Variants in LYST observed in about 807,000 individuals in gnomAD.
The protein encoded by LYST is lysosomal trafficking regulator, also known as lysosomal-trafficking regulator.
A neutral mutation model predicts 413.6 loss-of-function variants in LYST; 192 were observed. The observed-to-expected ratio is 0.46, with a 90% CI of 0.41 to 0.52. The LOEUF is 0.52. LYST is among the 20% of genes least tolerant of loss of function. LYST has a pLI of 0.00. For synonymous variants in LYST, 1,525 were observed against 1,567.3 expected, an observed-to-expected ratio of 0.97 and a Z score of 0.64; for missense variants, 3,815 against 4,499.9, an observed-to-expected ratio of 0.85 and a Z score of 4.35.
chr1:235,672,909 C>T (rs1246671308), intron 50 of LYST, among the ~76,000 whole-genome samples: 1 of 152,154 alleles, frequency 6.6e-6, no homozygotes, highest in African/African-American at 2.4e-5. Flanking sequence ...CTGTCTTCCA[C>T]CCTTTACTCA....
chr1:235,801,180 T>C lies in LYST; in HGVS notation c.3713-83A>G. 6 of 921,988 alleles carry C rather than the reference T, an allele frequency of 6.5e-6. No individual in the cohort carries two copies. In the Admixed American group the frequency reaches 1.1e-4, roughly 16 times the overall value. 57.1% of individuals were successfully genotyped at this position (921,988 alleles called of 1,614,324 possible). A position where few individuals can be genotyped will look rare whatever the true frequency, so the allele number is the denominator to read the frequency against. ...TTCATTAATCATTTAGAAGATCTAGTGGCAAAAATAGTAATTCAGAGGATG... is the reference window on the plus strand; with the variant it reads ...TTCATTAATCATTTAGAAGATCTAGCGGCAAAAATAGTAATTCAGAGGATG... On this transcript the variant is annotated intron_variant, in intron 8 of 52. Transcript: ENST00000389793.
chr1:235,758,676 T>C (rs1011045980), intron 23 of LYST, among the ~76,000 whole-genome samples: 5 of 152,194 alleles, frequency 3.3e-5, no homozygotes, highest in Non-Finnish European at 5.9e-5. Flanking sequence ...ATAAATCCTA[T>C]CGTTTCTCTG....
intron 2 of LYST, among the ~76,000 whole-genome samples, chr1:235,830,711 AAGACTTTCTTTC>A (rs1675884857): frequency 6.6e-6 from 1 of 152,184 alleles, no homozygotes; most frequent in Non-Finnish European, 1.5e-5. Flanking sequence ...TTTAAGAGAG[AAGACTTTCTTTC>A]TTAAATACAA....
chr1:235,881,107 C>T (rs1296698152), intron 1 of LYST, among the ~76,000 whole-genome samples: 1 of 152,182 alleles, frequency 6.6e-6, no homozygotes, highest in Admixed American at 6.6e-5. Context: ...GGGTTCCTAA[C>T]TCCAAATTTC....
In LYST at chr1:235,801,108, A is replaced by G; in HGVS notation, c.3713-11T>C. 1 of 1,525,600 alleles carries G rather than the reference A, an allele frequency of 6.6e-7. No homozygotes were observed. The highest frequency in any genetic ancestry group is 9.1e-7 in the Non-Finnish European group (1 of 1,100,604). The allele number at this position is 1,525,600 out of a possible 1,614,324, so 94.5% of individuals were successfully genotyped here. On this transcript the variant is annotated splice_polypyrimidine_tract_variant and intron_variant, in intron 8 of 52. Coordinates refer to ENST00000389793, the MANE Select transcript of LYST (RefSeq NM_000081.4). ...ACTTTAAGTCTACCCCTGAAAAGAG[A>G]AAAGCGAAAGATTACTTGTATTCCC...
intron 47 of LYST, among the ~76,000 whole-genome samples, chr1:235,689,023 T>C (rs183314541): frequency 0.033 from 2,545 of 76,412 alleles, 41 homozygotes; most frequent in African/African-American, 0.061. Context: ...ATAATAATAA[T>C]AATAACAACA....
At chr1:235,835,274 G>A (rs1676447128) in intron 1 of LYST, among the ~76,000 whole-genome samples, 2 of 152,046 alleles carry the variant, frequency 1.3e-5, no homozygotes, top group South Asian at 4.2e-4. Context: ...ATAAAATTAT[G>A]GAAGGGAAAT....
chr1:235,829,190 G>A (rs1027503900), intron 3 of LYST, among the ~76,000 whole-genome samples: 2 of 152,130 alleles, frequency 1.3e-5, no homozygotes, highest in Admixed American at 6.5e-5. Context: ...GCGACAGAGC[G>A]AGACTCTGTG....
chr1:235,803,653 A>C (rs1207366263), intron 7 of LYST, among the ~76,000 whole-genome samples: 2 of 152,172 alleles, frequency 1.3e-5, no homozygotes, highest in Non-Finnish European at 2.9e-5. Flanking sequence ...TCATTTTAGA[A>C]AACATTTTCA....
chr1:235,776,944 G>C lies in LYST; in HGVS notation c.5460+119C>G, dbSNP rs12078638. The C allele has an allele frequency of 0.011, 9,088 of 800,776 alleles. 583 individuals are homozygous for C. The African/African-American group carries it at 0.14, about 12-fold the overall frequency. The allele number at this position is 800,776 out of a possible 1,614,324, so 49.6% of individuals were successfully genotyped here. A position where few individuals can be genotyped will look rare whatever the true frequency, so the allele number is the denominator to read the frequency against. ...ACATTTTAATATGTAATTTTTTTAT[G>C]TTAAAAGTTTAATATAGTCGAGTGT... On this transcript the variant is annotated intron_variant, in intron 17 of 52. Transcript: ENST00000389793.
chr1:235,808,464 A>G lies in LYST; in HGVS notation c.2354T>C (p.Leu785Pro), dbSNP rs770276682. Reference sequence around the variant, plus strand: ...CCACACACATACAAACCTGGATTTAAGCAGGATAGGCAGAGTTTTTACATA... The same window carrying G: ...CCACACACATACAAACCTGGATTTAGGCAGGATAGGCAGAGTTTTTACATA... ...QIYVKTLPIL[L>P]KSRVIRDLFL... The change falls in exon 5 of 53, where the codon CTT becomes CCT. Residue 785 changes from leucine to proline, a missense_variant. Physicochemically the swap from Leu to Pro is moderately conservative, Grantham distance 98. Coordinates refer to ENST00000389793, the MANE Select transcript of LYST (RefSeq NM_000081.4). 3 of 1,613,592 alleles carry G rather than the reference A, an allele frequency of 1.9e-6. No homozygotes were observed. The highest frequency in any genetic ancestry group is 1.3e-5 in the African/African-American group (1 of 74,982).
intron 1 of LYST, among the ~76,000 whole-genome samples, chr1:235,856,496 C>T (rs1679207075): frequency 6.6e-6 from 1 of 152,124 alleles, no homozygotes; most frequent in Non-Finnish European, 1.5e-5. Flanking sequence ...GGGTTGTGAA[C>T]TTTTATGAGA....
Position 235,744,111 on chromosome 1 carries a change from T to C in LYST, c.8019A>G (p.Val2673=). ...IIDILRTPEN[V]TQSKTSVFQT... is the part of the protein sequence containing the mutation. ...GGAAAACTGAGGTCTTGCTTTGAGTTACATTTTCTGGAGTTCTCAAAATGT... is the reference window on the plus strand; with the variant it reads ...GGAAAACTGAGGTCTTGCTTTGAGTCACATTTTCTGGAGTTCTCAAAATGT... The change falls in exon 30 of 53, where the codon GTA becomes GTG. Residue 2673 remains valine (V), a synonymous_variant. Transcript: ENST00000389793. 6.2e-7 allele frequency: 1 copy of C among 1,600,786 alleles called. No individual in the cohort carries two copies. Among genetic ancestry groups the C allele is most frequent in the Non-Finnish European group, 8.6e-7 (1 of 1,168,158 alleles).
intron 23 of LYST, among the ~76,000 whole-genome samples, chr1:235,758,168 C>T (rs544459052): frequency 4.5e-4 from 68 of 152,260 alleles, no homozygotes; most frequent in African/African-American, 1.6e-3. Flanking sequence ...ATTTCAGCTC[C>T]ATATAAAGTT....
intron 39 of LYST, among the ~76,000 whole-genome samples, chr1:235,721,928 C>T (rs1319553330): frequency 6.6e-6 from 1 of 152,090 alleles, no homozygotes; most frequent in Non-Finnish European, 1.5e-5. Flanking sequence ...GATGCTAATA[C>T]ATCCTATAGA....
At chr1:235,844,112 C>A (rs1038443726) in intron 1 of LYST, among the ~76,000 whole-genome samples, 1 of 152,116 alleles carries the variant, frequency 6.6e-6, no homozygotes, top group Admixed American at 6.5e-5. Flanking sequence ...TTTGAAGCAG[C>A]CTTCTTGAAA....
chr1:235,805,909 T>C lies in LYST; in HGVS notation c.3227A>G (p.Glu1076Gly). 1 of 1,613,946 alleles carries C rather than the reference T, an allele frequency of 6.2e-7. No individual in the cohort carries two copies. The highest frequency in any genetic ancestry group is 8.5e-7 in the Non-Finnish European group (1 of 1,179,934). The change falls in exon 6 of 53, where the codon GAA (glutamate) becomes GGA (glycine). Residue 1076 changes from glutamate (E) to glycine (G), a missense_variant. This residue lies in a region of LYST where 1,648 missense variants were observed against 1,810.3 expected (regional missense o/e 0.91). Coordinates refer to ENST00000389793, the MANE Select transcript of LYST (RefSeq NM_000081.4). ...ELQHISSINV[E>G]EVSATEAAPE... The stretch of plus-strand genomic sequence containing the variant: ...AGCGGCTTCAGTAGCTGAAACTTCT[T>C]CCACATTTATGGAAGAAATATGCTG...
At position 235,663,020 on chromosome 1, in the gene LYST, T is replaced by C. The variant is rs1353400854; in HGVS notation, c.11326A>G (p.Ile3776Val). Residue 3776 changes from isoleucine (I) to valine (V), a missense_variant, in exon 53 of 53, where the codon ATT becomes GTT. Ile to Val is a conservative substitution (Grantham distance 29). Transcript: ENST00000389793. Reference sequence around the variant, plus strand: ...TGCTGGTCCTTCCGACACCAGGCAATCACGGTCCCATCACTGTTTGCTGTG... The same window carrying C: ...TGCTGGTCCTTCCGACACCAGGCAACCACGGTCCCATCACTGTTTGCTGTG... The part of the protein sequence containing the change: ...LYTANSDGTV[I>V]AWCRKDQQRL... 1 of 1,613,890 alleles carries C rather than the reference T, an allele frequency of 6.2e-7. No individual in the cohort carries two copies. Among genetic ancestry groups the C allele is most frequent in the Non-Finnish European group, 8.5e-7 (1 of 1,180,008 alleles).
chr1:235,868,630 ATTTG>A (rs1246280720), upstream of LYST, among the ~76,000 whole-genome samples: 1 of 152,168 alleles, frequency 6.6e-6, no homozygotes, highest in Non-Finnish European at 1.5e-5. Context: ...TCAAAGTATT[ATTTG>A]TTTGTAAAAG....
Sources: allele counts gnomAD v4.1 joint callset (sites outside exome capture counted in the v4.1 genomes callset), GRCh38; gene constraint gnomAD v4.1.1; regional missense constraint gnomAD v4.1.1; transcripts MANE v1.5; gene names NCBI Gene and HGNC (gene_info 2026-07-23, HGNC 2026-07-21).